Variants in PDE8A observed in about 807,000 individuals in gnomAD.
PDE8A encodes the protein high affinity cAMP-specific and IBMX-insensitive 3',5'-cyclic phosphodiesterase 8A.
A neutral mutation model predicts 105.0 loss-of-function variants in PDE8A; 59 were observed. The observed-to-expected ratio is 0.56, with a 90% CI of 0.46 to 0.70. The LOEUF (loss-of-function observed/expected upper bound fraction) is 0.70. Among genes scored for constraint, PDE8A ranks in the 30% least tolerant of loss-of-function variants. The pLI, the probability that PDE8A is intolerant of heterozygous loss-of-function variation, is 0.00. For missense variants in PDE8A, 1,014 were observed against 1,045.9 expected, an observed-to-expected ratio of 0.97 and a Z score of 0.42; for synonymous variants, 355 against 371.9, an observed-to-expected ratio of 0.95 and a Z score of 0.52.
intron 1 of PDE8A, among the ~76,000 whole-genome samples, chr15:84,998,255 C>G (rs531908465): frequency 6.6e-6 from 1 of 152,280 alleles, no homozygotes; most frequent in Non-Finnish European, 1.5e-5. Flanking sequence ...GAAGCTGGGA[C>G]AAGAACCCCA....
chr15:84,992,810 C>T (rs1359414622), intron 1 of PDE8A, among the ~76,000 whole-genome samples: 1 of 152,126 alleles, frequency 6.6e-6, no homozygotes, highest in Admixed American at 6.5e-5. Flanking sequence ...ACAATTTGTA[C>T]AGTGCTTTAT....
chr15:85,119,917 GA>G (rs942537954), intron 17 of PDE8A, among the ~76,000 whole-genome samples: 5 of 151,308 alleles, frequency 3.3e-5, no homozygotes, highest in Non-Finnish European at 7.4e-5. Flanking sequence ...TAAAAGGGAA[GA>G]AAAAAAACAT....
intron 11 of PDE8A, among the ~76,000 whole-genome samples, chr15:85,102,247 A>G (rs905437288): frequency 3.3e-5 from 5 of 152,140 alleles, no homozygotes; most frequent in African/African-American, 1.2e-4. Flanking sequence ...GCGTTGCTGA[A>G]GCTGAAGGCG....
At chr15:85,116,333 A>G (rs894061166) in intron 16 of PDE8A, 22 of 539,896 alleles carry the variant, frequency 4.1e-5, no homozygotes, top group Non-Finnish European at 5.9e-5. Context: ...AAAGCATGCA[A>G]CTGAGCCAGT....
chr15:85,002,403 T>C (rs1043784756), intron 1 of PDE8A, among the ~76,000 whole-genome samples: 1 of 152,190 alleles, frequency 6.6e-6, no homozygotes, highest in African/African-American at 2.4e-5. Context: ...TACACAGGGC[T>C]AGGTCTAGAG....
chr15:85,121,575 C>A (rs1227981386), intron 18 of PDE8A, among the ~76,000 whole-genome samples: 1 of 151,902 alleles, frequency 6.6e-6, no homozygotes, highest in Non-Finnish European at 1.5e-5. Context: ...TGTCACTGTG[C>A]CCTCGGTGCC....
At chr15:85,117,513 C>A (rs1357976644) in intron 16 of PDE8A, 128 bp from the exon 17 acceptor site, 8 of 769,538 alleles carry the variant, frequency 1.0e-5, no homozygotes, top group Non-Finnish European at 1.8e-5. Context: ...GAGGCCAGCA[C>A]AGCCCAAGCA....
At chr15:85,086,366 C>T (rs2081552430) in intron 6 of PDE8A, among the ~76,000 whole-genome samples, 1 of 152,026 alleles carries the variant, frequency 6.6e-6, no homozygotes. Context: ...TTAAAATAAA[C>T]CTTAAATAAT....
intron 12 of PDE8A, among the ~76,000 whole-genome samples, chr15:85,112,366 A>G (rs953926803): frequency 4.5e-4 from 68 of 152,304 alleles, no homozygotes; most frequent in Non-Finnish European, 7.4e-5. Flanking sequence ...TGTAGTTACC[A>G]TGTTGTACAA....
chr15:85,080,615 C>G (rs1437833454), intron 5 of PDE8A, among the ~76,000 whole-genome samples: 1 of 152,162 alleles, frequency 6.6e-6, no homozygotes, highest in Non-Finnish European at 1.5e-5. Context: ...TGCCTGGTGA[C>G]TGCCGTGTTT....
chr15:85,121,123 G>A, intron 18 of PDE8A, 109 bp downstream of exon 18: 1 of 702,698 alleles, frequency 1.4e-6, no homozygotes, highest in Non-Finnish European at 2.3e-6. Context: ...AGTGCACAAA[G>A]TATACAGTGG....
At chr15:85,014,956 G>C (rs12904958) in intron 1 of PDE8A, among the ~76,000 whole-genome samples, 19,393 of 152,008 alleles carry the variant, frequency 0.13, 1,636 homozygotes, top group Middle Eastern at 0.24. Flanking sequence ...CCCAGCCTCT[G>C]GCAACCACTA....
intron 1 of PDE8A, among the ~76,000 whole-genome samples, chr15:85,060,749 T>C (rs1172976193): frequency 6.6e-6 from 1 of 152,198 alleles, no homozygotes; most frequent in Non-Finnish European, 1.5e-5. Flanking sequence ...TACTTCCTTT[T>C]AGACCAATGA....
At position 85,019,948 on chromosome 15, in the gene PDE8A, T is replaced by G. The variant is rs1433068955; in HGVS notation, c.186+37600T>G. ...TTTGGGGGAGTTTTTTTTTGGTTTT[T>G]TTTTTTTTTTTTTTTTTTTTTTGGC... On this transcript the variant is annotated intron_variant, in intron 1 of 21. Coordinates refer to ENST00000394553, the MANE Select transcript of PDE8A (RefSeq NM_002605.3). Among the ~76,000 whole-genome samples the G allele has an allele frequency of 1.7e-3, 232 of 136,624 alleles. 1 individual carries two copies. The highest frequency in any genetic ancestry group is 6.2e-3 in the African/African-American group (224 of 36,332). The allele number at this position is 136,624 out of a possible 152,430, so 89.6% of individuals were successfully genotyped here. A position where few individuals can be genotyped will look rare whatever the true frequency, so the allele number is the denominator to read the frequency against.
rs546087382 is a variant in PDE8A at position 84,981,875 on chromosome 15, C to A, written c.-288C>A. 157 of 212,834 alleles carry A rather than the reference C, an allele frequency of 7.4e-4. No homozygotes were observed. Among genetic ancestry groups the A allele is most frequent in the African/African-American group, 3.5e-3 (151 of 43,174 alleles). The allele number at this position is 212,834 out of a possible 1,614,324, so 13.2% of individuals were successfully genotyped here. On this transcript the variant is annotated 5_prime_UTR_variant, in exon 1 of 22. Coordinates refer to ENST00000394553, the MANE Select transcript of PDE8A (RefSeq NM_002605.3). ...GGAAGCGCGGCCGAGGCGAGCCCGG[C>A]GATGTGAGAGGCGGCCGTCGGCTCC...
chr15:85,066,907 C>G, intron 2 of PDE8A, 107 bp from the exon 3 acceptor site: 1 of 795,112 alleles, frequency 1.3e-6, no homozygotes, highest in East Asian at 2.7e-5. Flanking sequence ...CCATTACACT[C>G]CAGCCTGAGC....
At chr15:85,003,605 T>C (rs954496048) in intron 1 of PDE8A, among the ~76,000 whole-genome samples, 1 of 152,242 alleles carries the variant, frequency 6.6e-6, no homozygotes, top group African/African-American at 2.4e-5. Context: ...TACTTTTATA[T>C]GTAATGATAG....
intron 3 of PDE8A, 122 bp from the exon 4 acceptor site, chr15:85,075,740 G>C: frequency 1.7e-6 from 1 of 572,650 alleles, no homozygotes; most frequent in Non-Finnish European, 3.0e-6. Context: ...TTCAGAGAGT[G>C]AGGGGATCAT....
intron 12 of PDE8A, among the ~76,000 whole-genome samples, chr15:85,110,262 T>A (rs965923613): frequency 6.6e-6 from 1 of 152,216 alleles, no homozygotes; most frequent in South Asian, 2.1e-4. Flanking sequence ...CATGCTAATG[T>A]TTGTTGATCC....
Sources: allele counts gnomAD v4.1 joint callset (sites outside exome capture counted in the v4.1 genomes callset), GRCh38; gene constraint gnomAD v4.1.1; transcripts MANE v1.5; gene names NCBI Gene and HGNC (gene_info 2026-07-23, HGNC 2026-07-21).